The following ZBTB7C variants were observed in gnomAD, a reference collection of about 807,000 sequenced individuals.
ZBTB7C encodes zinc finger and BTB domain containing 7C.
A neutral mutation model predicts 25.7 loss-of-function variants in ZBTB7C; 8 were observed. The ratio of observed to expected loss-of-function variants is 0.31; its 90% CI spans 0.18 to 0.56. The LOEUF is 0.56. ZBTB7C is among the 20% of genes least tolerant of loss of function. The pLI is 0.91. For synonymous variants in ZBTB7C, 394 were observed against 369.0 expected (o/e 1.07, Z -0.78); for missense variants, 824 against 855.2 (o/e 0.96, Z 0.46).
intron 2 of ZBTB7C, among the ~76,000 whole-genome samples, chr18:48,279,952 G>A (rs1244047062): frequency 6.6e-6 from 1 of 152,256 alleles, no homozygotes; most frequent in Non-Finnish European, 1.5e-5. Flanking sequence ...TTGGTAGGGA[G>A]AGGAAATAGG....
intron 2 of ZBTB7C, among the ~76,000 whole-genome samples, chr18:48,278,103 T>A (rs910511385): frequency 6.6e-6 from 1 of 152,202 alleles, no homozygotes; most frequent in Non-Finnish European, 1.5e-5. Context: ...GGACTGGCCA[T>A]GAGGTTTGTT....
chr18:48,373,877 C>T (rs1338461299), intron 1 of ZBTB7C, among the ~76,000 whole-genome samples: 2 of 151,806 alleles, frequency 1.3e-5, no homozygotes, highest in African/African-American at 4.8e-5. Flanking sequence ...AGGAGAATGG[C>T]GTGAGCCCAG....
chr18:48,152,200 G>C (rs191001481), intron 3 of ZBTB7C, among the ~76,000 whole-genome samples: 2 of 152,196 alleles, frequency 1.3e-5, no homozygotes, highest in African/African-American at 4.8e-5. Flanking sequence ...GTGGGCTTCA[G>C]AGAATCCTTA....
intron 2 of ZBTB7C, among the ~76,000 whole-genome samples, chr18:48,209,549 G>A (rs1358120751): frequency 6.6e-6 from 1 of 152,234 alleles, no homozygotes; most frequent in East Asian, 1.9e-4. Flanking sequence ...GAGGCCCAGA[G>A]TTCAAGACCA....
chr18:48,102,916 C>T (rs958128813), intron 3 of ZBTB7C, among the ~76,000 whole-genome samples: 5 of 151,916 alleles, frequency 3.3e-5, no homozygotes, highest in African/African-American at 1.2e-4. Flanking sequence ...TCTGCATTCA[C>T]AGCCCTGTTG....
chr18:48,047,132 T>C (rs2144214828), intron 3 of ZBTB7C, among the ~76,000 whole-genome samples: 1 of 152,242 alleles, frequency 6.6e-6, no homozygotes, highest in Non-Finnish European at 1.5e-5. Flanking sequence ...TGTTTCATTG[T>C]CTTTTTGGGA....
chr18:48,211,764 G>A (rs969025900), intron 2 of ZBTB7C, among the ~76,000 whole-genome samples: 18 of 152,318 alleles, frequency 1.2e-4, no homozygotes, highest in African/African-American at 2.9e-4. Context: ...TACAGCCACT[G>A]TGGAAGACAG....
In ZBTB7C at chr18:48,171,234, G is replaced by A. The variant is rs183559873; in HGVS notation, c.-17+14700C>T. ...TAAACAAGAGGACAAAGCCCAGCTT[G>A]TGGCTTCTTCCCCGAGCTGGCTGAT... On this transcript the variant is annotated intron_variant, in intron 3 of 4. Transcript: ENST00000590800. Among the ~76,000 whole-genome samples the A allele has an allele frequency of 6.1e-3, 935 of 152,324 alleles. 2 individuals are homozygous for A. The highest frequency in any genetic ancestry group is 0.011 in the Admixed American group (174 of 15,302).
chr18:48,064,212 C>T (rs1293304782), intron 3 of ZBTB7C, among the ~76,000 whole-genome samples: 1 of 152,236 alleles, frequency 6.6e-6, no homozygotes, highest in Non-Finnish European at 1.5e-5. Context: ...ATGCCATCCA[C>T]CTTGCCATTC....
intron 3 of ZBTB7C, among the ~76,000 whole-genome samples, chr18:48,104,956 C>T (rs561416401): frequency 1.4e-4 from 21 of 152,310 alleles, no homozygotes; most frequent in African/African-American, 4.1e-4. Flanking sequence ...AGGATAATGC[C>T]GCACTGACCT....
At chr18:48,211,899 A>G (rs2042710574) in intron 2 of ZBTB7C, among the ~76,000 whole-genome samples, 1 of 152,248 alleles carries the variant, frequency 6.6e-6, no homozygotes, top group African/African-American at 2.4e-5. Flanking sequence ...GAATGTTTAT[A>G]GCAGCTTTAT....
intron 1 of ZBTB7C, among the ~76,000 whole-genome samples, chr18:48,349,713 G>C (rs1261060435): frequency 1.3e-5 from 2 of 152,158 alleles, no homozygotes; most frequent in African/African-American, 2.4e-5. Flanking sequence ...GCAGGGGAAT[G>C]AGCTAAAGTC....
At chr18:48,282,354 T>TA in intron 2 of ZBTB7C, among the ~76,000 whole-genome samples, 1 of 149,928 alleles carries the variant, frequency 6.7e-6, no homozygotes. Context: ...GAGATATACC[T>TA]AATGCTAAAT....
intron 3 of ZBTB7C, chr18:48,072,527 C>G (rs1048934201): frequency 6.6e-6 from 1 of 152,196 alleles, no homozygotes; most frequent in African/African-American, 2.4e-5. Context: ...CAGCTTCCTG[C>G]GACTCAACAG....
intron 2 of ZBTB7C, among the ~76,000 whole-genome samples, chr18:48,240,354 C>T (rs1276342762): frequency 1.3e-5 from 2 of 152,094 alleles, no homozygotes; most frequent in African/African-American, 2.4e-5. Context: ...AACACCCAGG[C>T]AATTCATCAC....
chr18:48,221,263 A>T (rs1195372509), intron 2 of ZBTB7C, among the ~76,000 whole-genome samples: 76 of 95,464 alleles, frequency 8.0e-4, no homozygotes, highest in Middle Eastern at 0.01. Context: ...AATGTTCTAG[A>T]CTCCCTCTAT....
At chr18:48,053,957 G>A (rs984032174) in intron 3 of ZBTB7C, among the ~76,000 whole-genome samples, 4 of 152,246 alleles carry the variant, frequency 2.6e-5, no homozygotes, top group Non-Finnish European at 5.9e-5. Context: ...TTGGCAAAGG[G>A]ATTAGCTTGT....
chr18:48,399,033 C>T (rs1212345832), intron 1 of ZBTB7C, among the ~76,000 whole-genome samples: 1 of 152,190 alleles, frequency 6.6e-6, no homozygotes, highest in Non-Finnish European at 1.5e-5. Flanking sequence ...ACTGAAATAT[C>T]CATGTAGGCG....
rs34725749 is a variant in ZBTB7C at position 48,326,095 on chromosome 18, C to CTTTT, written c.-79+12075_-79+12078dup. On this transcript the variant is annotated intron_variant, in intron 2 of 4. Transcript: ENST00000590800. ...TAGATAATGCATACTCTACCAACATCTTTTTTTTTTTTTTTTTTGAGATGG... is the reference window on the plus strand; with the variant it reads ...TAGATAATGCATACTCTACCAACATCTTTTTTTTTTTTTTTTTTTTTTGAGATGG... 1.1e-3 allele frequency among the ~76,000 whole-genome samples: 143 copies of CTTTT among 126,160 alleles called. 1 individual carries two copies. Among genetic ancestry groups the CTTTT allele is most frequent in the Non-Finnish European group, 1.4e-3 (89 of 61,430 alleles). The allele number at this position is 126,160 out of a possible 152,430, so 82.8% of individuals were successfully genotyped here.
Sources: gnomAD v4.1 joint callset for allele counts (sites outside exome capture counted in the v4.1 genomes callset) on GRCh38, gnomAD v4.1.1 for gene constraint, MANE v1.5 for transcripts, NCBI Gene and HGNC (gene_info 2026-07-23, HGNC 2026-07-21) for gene names.